The following GUCY2C variants were observed in gnomAD, a reference collection of about 807,000 sequenced individuals.
GUCY2C encodes the protein guanylyl cyclase C.
In GUCY2C, 118 loss-of-function variants were observed where a neutral mutation model predicts 131.1. That is an observed-to-expected ratio of 0.90 (90% CI 0.78 to 1.05). The LOEUF (loss-of-function observed/expected upper bound fraction) is 1.05, where lower values mean the gene tolerates loss of function less well. GUCY2C is among the 50% of genes least tolerant of loss of function. GUCY2C has a pLI of 0.00. For missense variants in GUCY2C, 1,161 were observed against 1,304.4 expected (o/e 0.89, Z 1.69); for synonymous variants, 452 against 457.8 (o/e 0.99, Z 0.16).
chr12:14,669,916 A>G lies in GUCY2C; in HGVS notation c.1171-83T>C, dbSNP rs892598359. On this transcript the variant is annotated intron_variant, in intron 9 of 26. Transcript: ENST00000261170. The stretch of plus-strand genomic sequence containing the variant: ...ATGGTGAGATTAATGATTCTACACA[A>G]TGACGCTTGATTTCCATAACAATTC... The G allele has an allele frequency of 1.9e-5, 11 of 591,022 alleles. No homozygotes were observed. The African/African-American group carries it at 2.1e-4, about 11-fold the overall frequency. The allele number at this position is 591,022 out of a possible 1,614,324, so 36.6% of individuals were successfully genotyped here.
In GUCY2C at chr12:14,693,889, C is replaced by T. The variant is rs1475897420; in HGVS notation, c.217+2343G>A. Among the ~76,000 whole-genome samples, 5 of 152,356 alleles carry T rather than the reference C, an allele frequency of 3.3e-5. No individual in the cohort carries two copies. The East Asian group carries it at 9.6e-4, about 29-fold the overall frequency. On this transcript the variant is annotated intron_variant, in intron 1 of 26. Coordinates refer to ENST00000261170, the MANE Select transcript of GUCY2C (RefSeq NM_004963.4). ...AGATTGTATGCATCAGGGACCAAGG[C>T]TCTAACTAACATACTATTTAATTAT...
rs760612793 is a variant in GUCY2C, at chr12:14,688,020, A to C, written c.261T>G (p.Gly87=). 3 of 1,613,972 alleles carry C rather than the reference A, an allele frequency of 1.9e-6. No individual in the cohort carries two copies. The Admixed American group carries it at 5.0e-5, about 27-fold the overall frequency. Residue 87 remains glycine (G), a synonymous_variant, in exon 2 of 27, where the codon GGT becomes GGG. Coordinates refer to ENST00000261170, the MANE Select transcript of GUCY2C (RefSeq NM_004963.4). Reference sequence around the variant, plus strand: ...GGCAGTCGCCTGAGTTATGAATCAGACCATCCGAATACATGAAAGTAGCGT... The same window carrying C: ...GGCAGTCGCCTGAGTTATGAATCAGCCCATCCGAATACATGAAAGTAGCGT... ...TVNATFMYSD[G]LIHNSGDCRS...
intron 8 of GUCY2C, 92 bp downstream of exon 8, chr12:14,674,533 A>G: frequency 1.2e-6 from 1 of 815,332 alleles, no homozygotes; most frequent in Non-Finnish European, 1.9e-6. Flanking sequence ...CTGTGGAATC[A>G]TCTATTGCTA....
At chr12:14,670,512 A>T (rs1296508997) in intron 9 of GUCY2C, among the ~76,000 whole-genome samples, 2 of 152,112 alleles carry the variant, frequency 1.3e-5, no homozygotes, top group Non-Finnish European at 2.9e-5. Flanking sequence ...GATCTGAAAG[A>T]TGACTGATAT....
chr12:14,622,958 G>C (rs908412579), intron 21 of GUCY2C, among the ~76,000 whole-genome samples: 5 of 152,180 alleles, frequency 3.3e-5, no homozygotes, highest in African/African-American at 1.2e-4. Context: ...TTGAGAAAAG[G>C]AAGTGAGGGC....
rs567168986 is a variant in GUCY2C, at chr12:14,651,392, A to T, written c.1710+15T>A. The stretch of plus-strand genomic sequence containing the variant: ...TTATATGATTAGAAAATTGGAAATG[A>T]CCATGGTTTCTTACCCGGAGGGATC... On this transcript the variant is annotated intron_variant, in intron 15 of 26. Coordinates refer to ENST00000261170, the MANE Select transcript of GUCY2C (RefSeq NM_004963.4). 7 of 1,181,848 alleles carry T rather than the reference A, an allele frequency of 5.9e-6. No individual in the cohort carries two copies. The South Asian group carries it at 8.8e-5, about 15-fold the overall frequency. 73.2% of individuals were successfully genotyped at this position (1,181,848 alleles called of 1,614,324 possible). A position where few individuals can be genotyped will look rare whatever the true frequency, so the allele number is the denominator to read the frequency against.
intron 10 of GUCY2C, among the ~76,000 whole-genome samples, chr12:14,663,271 T>C (rs1023006432): frequency 6.6e-6 from 1 of 152,170 alleles, no homozygotes. Flanking sequence ...TTTAAAATCA[T>C]GTGTGTGAAT....
At chr12:14,616,510 G>C in intron 25 of GUCY2C, 123 bp downstream of exon 25, 1 of 694,880 alleles carries the variant, frequency 1.4e-6, no homozygotes. Context: ...AGGATGGAGG[G>C]TGCTCATCGT....
intron 20 of GUCY2C, among the ~76,000 whole-genome samples, chr12:14,626,159 G>A (rs1947010913): frequency 6.6e-6 from 1 of 152,126 alleles, no homozygotes; most frequent in South Asian, 2.1e-4. Context: ...GACCAACATG[G>A]TGAAACCCTT....
rs1946838270 is a variant in GUCY2C at position 14,619,045 on chromosome 12, A to G, written c.2875+166T>C. 11 of 549,292 alleles carry G rather than the reference A, an allele frequency of 2.0e-5. No individual in the cohort carries two copies. In the South Asian group the frequency reaches 3.2e-4, roughly 16 times the overall value. 34.0% of individuals were successfully genotyped at this position (549,292 alleles called of 1,614,324 possible). The stretch of plus-strand genomic sequence containing the variant: ...TATCAGTAAACAACAATGAAAGCAA[A>G]TGTAGCAAAAGGTGGATTGACACGG... On this transcript the variant is annotated intron_variant, in intron 24 of 26. Transcript: ENST00000261170.
chr12:14,647,672 T>A (rs1341142823), intron 15 of GUCY2C, among the ~76,000 whole-genome samples: 1 of 152,184 alleles, frequency 6.6e-6, no homozygotes, highest in Non-Finnish European at 1.5e-5. Flanking sequence ...CTGTTAAGAT[T>A]TATTTAATGT....
rs191663800 is a variant in GUCY2C at position 14,649,420 on chromosome 12, A to C, written c.1710+1987T>G. ...TCTATATAAAAACTATTTTAAACTT[A>C]AACAAAAACATGAACATACTCCAAA... On this transcript the variant is annotated intron_variant, in intron 15 of 26. Coordinates refer to ENST00000261170, the MANE Select transcript of GUCY2C (RefSeq NM_004963.4). Among the ~76,000 whole-genome samples the C allele has an allele frequency of 2.9e-3, 438 of 152,344 alleles. 3 individuals carry two copies. The highest frequency in any genetic ancestry group is 1.0e-2 in the African/African-American group (415 of 41,576).
At chr12:14,619,123 AT>A in intron 24 of GUCY2C, 87 bp downstream of exon 24, 1 of 722,678 alleles carries the variant, frequency 1.4e-6, no homozygotes, top group Non-Finnish European at 2.5e-6. Flanking sequence ...GGCACTTTGT[AT>A]CTCCTTATTG....
At chr12:14,616,543 C>G in intron 25 of GUCY2C, 90 bp downstream of exon 25, 1 of 786,650 alleles carries the variant, frequency 1.3e-6, no homozygotes, top group East Asian at 2.4e-5. Context: ...AGAGGATTAG[C>G]ATGCTCAACT....
intron 1 of GUCY2C, among the ~76,000 whole-genome samples, chr12:14,695,076 C>T (rs1213137683): frequency 6.6e-6 from 1 of 151,994 alleles, no homozygotes; most frequent in Non-Finnish European, 1.5e-5. Context: ...TATCAATTCA[C>T]ATGATGACTA....
chr12:14,639,752 A>T, intron 19 of GUCY2C, 110 bp downstream of exon 19: 1 of 702,692 alleles, frequency 1.4e-6, no homozygotes, highest in Non-Finnish European at 2.5e-6. Context: ...TTGATTTCAG[A>T]CTTCTAGTCT....
chr12:14,646,580 TA>T (rs1365949681), intron 15 of GUCY2C, among the ~76,000 whole-genome samples: 3 of 152,156 alleles, frequency 2.0e-5, no homozygotes, highest in Non-Finnish European at 4.4e-5. Flanking sequence ...AATTGCACAA[TA>T]TAAAAAAGAA....
intron 10 of GUCY2C, chr12:14,665,590 CTAATGCAGGAA>C (rs1412684427): frequency 6.6e-6 from 1 of 152,182 alleles, no homozygotes; most frequent in Non-Finnish European, 1.5e-5. Flanking sequence ...GTGGGCAGGA[CTAATGCAGGAA>C]GTCAGTTTGA....
chr12:14,658,540 G>T (rs1947803482), intron 11 of GUCY2C, among the ~76,000 whole-genome samples: 1 of 152,098 alleles, frequency 6.6e-6, no homozygotes, highest in Non-Finnish European at 1.5e-5. Flanking sequence ...GCCAGGTGTG[G>T]TGGTACACGC....
Sources: allele counts gnomAD v4.1 joint callset (sites outside exome capture counted in the v4.1 genomes callset), GRCh38; gene constraint gnomAD v4.1.1; transcripts MANE v1.5; gene names NCBI Gene and HGNC (gene_info 2026-07-23, HGNC 2026-07-21).